SH2D4B: variants seen among roughly 807,000 people sequenced by gnomAD.
SH2D4B encodes SH2 domain-containing protein 4B.
Under a neutral mutation model 61.5 loss-of-function variants are expected in SH2D4B, and 45 were observed. The observed-to-expected ratio is 0.73, with a 90% CI of 0.58 to 0.94. SH2D4B has a LOEUF of 0.94. Ranked by LOEUF, SH2D4B falls within the 40% of genes least tolerant of loss-of-function variation. The probability of loss-of-function intolerance (pLI) is 0.00; values close to 1 mark genes in which losing one functional copy is unlikely to be tolerated. For missense variants in SH2D4B, 572 were observed against 574.2 expected (o/e 1.00, Z 0.04); for synonymous variants, 224 against 220.4 (o/e 1.02, Z -0.14).
At chr10:80,585,740 C>G (rs187122159) in intron 3 of SH2D4B, among the ~76,000 whole-genome samples, 1 of 152,220 alleles carries the variant, frequency 6.6e-6, no homozygotes, top group Non-Finnish European at 1.5e-5. Flanking sequence ...CTCGCTCACT[C>G]TGGGCACCTC....
chr10:80,578,453 A>T (rs1026346589), intron 3 of SH2D4B, among the ~76,000 whole-genome samples: 1 of 152,120 alleles, frequency 6.6e-6, no homozygotes, highest in Non-Finnish European at 1.5e-5. Flanking sequence ...AGCAACCCTT[A>T]GTGCCAACCA....
chr10:80,564,323 A>G (rs1202999510), intron 1 of SH2D4B, among the ~76,000 whole-genome samples: 1 of 152,198 alleles, frequency 6.6e-6, no homozygotes, highest in East Asian at 1.9e-4. Flanking sequence ...TCATGTCAAG[A>G]TCACCAGAGA....
chr10:80,607,825 GTCAC>G (rs1020748902), intron 5 of SH2D4B, among the ~76,000 whole-genome samples: 10 of 152,200 alleles, frequency 6.6e-5, no homozygotes, highest in African/African-American at 2.2e-4. Context: ...CCAGTCTCCT[GTCAC>G]TCAGTTGGAA....
intron 6 of SH2D4B, among the ~76,000 whole-genome samples, chr10:80,623,292 A>G (rs1842736674): frequency 6.6e-6 from 1 of 152,212 alleles, no homozygotes; most frequent in South Asian, 2.1e-4. Flanking sequence ...ATCAAGGCAT[A>G]GGCAGGTTTG....
intron 1 of SH2D4B, among the ~76,000 whole-genome samples, chr10:80,543,258 AG>A (rs1841608532): frequency 1.3e-5 from 2 of 151,866 alleles, no homozygotes; most frequent in South Asian, 2.1e-4. Flanking sequence ...GCTTGCAGGG[AG>A]GTGTGGAGGG....
rs562409038 is a variant in SH2D4B, at chr10:80,562,064, T to C, written c.185-8090T>C. On this transcript the variant is annotated intron_variant, in intron 1 of 7. Transcript: ENST00000646907. ...ACACACACACACACACACACACACATATATAAAAATTCCAAAATCTCCTAA... is the reference window on the plus strand; with the variant it reads ...ACACACACACACACACACACACACACATATAAAAATTCCAAAATCTCCTAA... Among the ~76,000 whole-genome samples the C allele has an allele frequency of 3.7e-3, 490 of 131,088 alleles. 1 individual carries two copies. The highest frequency in any genetic ancestry group is 0.015 in the African/African-American group (453 of 30,244). 86.0% of individuals were successfully genotyped at this position (131,088 alleles called of 152,430 possible).
At chr10:80,586,723 G>A (rs1842255093) in intron 3 of SH2D4B, among the ~76,000 whole-genome samples, 1 of 152,194 alleles carries the variant, frequency 6.6e-6, no homozygotes, top group African/African-American at 2.4e-5. Flanking sequence ...GTGGCAACGG[G>A]CTGGGATCCC....
At chr10:80,592,679 A>G (rs1345103844) in intron 4 of SH2D4B, among the ~76,000 whole-genome samples, 5 of 151,994 alleles carry the variant, frequency 3.3e-5, no homozygotes, top group Non-Finnish European at 5.9e-5. Context: ...CAATTCACCA[A>G]AAATATGTCT....
At chr10:80,552,819 AC>A (rs1186146755) in intron 1 of SH2D4B, among the ~76,000 whole-genome samples, 1 of 151,836 alleles carries the variant, frequency 6.6e-6, no homozygotes, top group Non-Finnish European at 1.5e-5. Flanking sequence ...ATGTGTATTT[AC>A]CCCATGTCGT....
rs1481585003 is a variant in SH2D4B, at chr10:80,546,033, TTTCTCTCTCTTTC to T, written c.184+7521_184+7533del. 4.8e-4 allele frequency among the ~76,000 whole-genome samples: 73 copies of T among 151,416 alleles called. No individual in the cohort carries two copies. The East Asian group carries it at 7.0e-3, about 15-fold the overall frequency. On this transcript the variant is annotated intron_variant, in intron 1 of 7. Transcript: ENST00000646907. The stretch of plus-strand genomic sequence containing the variant: ...CTCTTTCTTTCTTTCTCTTTCTTTC[TTTCTCTCTCTTTC>T]TTTTTTTTTTTTTTTTTAGACAAGG...
intron 4 of SH2D4B, among the ~76,000 whole-genome samples, chr10:80,593,871 A>T (rs1229310760): frequency 6.6e-6 from 1 of 152,080 alleles, no homozygotes; most frequent in African/African-American, 2.4e-5. Context: ...GTGCAGTGGC[A>T]TTATCTCAGC....
At chr10:80,640,710 T>C (rs1047755302) in intron 7 of SH2D4B, among the ~76,000 whole-genome samples, 3 of 152,216 alleles carry the variant, frequency 2.0e-5, no homozygotes, top group Non-Finnish European at 4.4e-5. Flanking sequence ...TCAAGGTTTT[T>C]AGCTTCCTTG....
At chr10:80,625,837 G>GTGC (rs1409921674) in intron 6 of SH2D4B, among the ~76,000 whole-genome samples, 1 of 152,078 alleles carries the variant, frequency 6.6e-6, no homozygotes, top group Non-Finnish European at 1.5e-5. Context: ...GCCTCCCAAA[G>GTGC]TGCTGGAATT....
intron 4 of SH2D4B, among the ~76,000 whole-genome samples, chr10:80,589,661 A>G (rs1278983959): frequency 1.3e-5 from 2 of 152,210 alleles, no homozygotes; most frequent in African/African-American, 2.4e-5. Flanking sequence ...GCAGACAGAT[A>G]TATAGACTAA....
At chr10:80,622,760 A>T (rs1842729243) in intron 6 of SH2D4B, among the ~76,000 whole-genome samples, 1 of 151,826 alleles carries the variant, frequency 6.6e-6, no homozygotes, top group Non-Finnish European at 1.5e-5. Context: ...TCCATTAGCC[A>T]CCCTTGTTGT....
rs896160924 is a variant in SH2D4B, at chr10:80,539,809, T to G, written c.184+1294T>G. On this transcript the variant is annotated intron_variant, in intron 1 of 7. Transcript: ENST00000646907. This position sits in a 1 kb window ranked among gnomAD's most constrained non-coding sequence, Gnocchi z 4.9. ...GGCCCAGCACAGAGGTGGCACATGG[T>G]GTTAAATCCTTGTTTTGAACAAGAC... Among the ~76,000 whole-genome samples the G allele has an allele frequency of 1.3e-5, 2 of 152,140 alleles. No homozygotes were observed. The highest frequency in any genetic ancestry group is 6.5e-5 in the Admixed American group (1 of 15,278).
Position 80,538,586 on chromosome 10 carries a change from G to A in SH2D4B, c.184+71G>A. 8.0e-7 allele frequency: 1 copy of A among 1,255,458 alleles called. No homozygotes were observed. The highest frequency in any genetic ancestry group is 3.1e-5 in the East Asian group (1 of 32,424). The allele number at this position is 1,255,458 out of a possible 1,614,324, so 77.8% of individuals were successfully genotyped here. On this transcript the variant is annotated intron_variant, in intron 1 of 7. Coordinates refer to ENST00000646907, the MANE Select transcript of SH2D4B (RefSeq NM_001388272.1). This position sits in a 1 kb window ranked among gnomAD's most constrained non-coding sequence, Gnocchi z 4.8. ...GAGGTAGAAAAATTAGCAGGGCCAG[G>A]CTGTGCCCTTCTTCAAGATGGGCAC...
intron 7 of SH2D4B, among the ~76,000 whole-genome samples, chr10:80,637,940 A>G (rs1021030910): frequency 5.9e-5 from 9 of 152,218 alleles, no homozygotes; most frequent in Admixed American, 2.0e-4. Context: ...AATAGCTCTT[A>G]TTATTTTGAG....
At chr10:80,545,167 A>G (rs74568294) in intron 1 of SH2D4B, among the ~76,000 whole-genome samples, 1,786 of 152,294 alleles carry the variant, frequency 0.012, 30 homozygotes, top group African/African-American at 0.039. Context: ...CATTCAAAAT[A>G]TTGTCCAACT....
Sources: allele counts gnomAD v4.1 joint callset (sites outside exome capture counted in the v4.1 genomes callset), GRCh38; gene constraint gnomAD v4.1.1; non-coding constraint Gnocchi (gnomAD v3.1); transcripts MANE v1.5; gene names NCBI Gene and HGNC (gene_info 2026-07-23, HGNC 2026-07-21).